BRINP3: variants seen among roughly 807,000 people sequenced by gnomAD.
BRINP3 encodes BMP/retinoic acid-inducible neural-specific protein 3.
A neutral mutation model predicts 71.0 loss-of-function variants in BRINP3; 19 were observed. That is an observed-to-expected ratio of 0.27 (90% CI 0.19 to 0.39). BRINP3 has a LOEUF of 0.39. Ranked by LOEUF, BRINP3 falls within the 10% of genes least tolerant of loss-of-function variation. The probability of loss-of-function intolerance (pLI) is 1.00; values close to 1 mark genes in which losing one functional copy is unlikely to be tolerated. For synonymous variants in BRINP3, 380 were observed against 337.7 expected (o/e 1.13, Z -1.37); for missense variants, 959 against 940.8 (o/e 1.02, Z -0.25).
At position 190,099,226 on chromosome 1, in the gene BRINP3, C is replaced by T. The variant is rs996107338; in HGVS notation, c.1185-92G>A. 3.2e-6 allele frequency: 4 copies of T among 1,266,192 alleles called. No homozygotes were observed. The African/African-American group carries it at 4.6e-5, about 14-fold the overall frequency. The allele number at this position is 1,266,192 out of a possible 1,614,324, so 78.4% of individuals were successfully genotyped here. On this transcript the variant is annotated intron_variant, in intron 7 of 7. Transcript: ENST00000367462. ...AGCTCAGAAATCTTTGCTATCATTT[C>T]TTCAGGTCATCTCCAGCCAGTAATT...
intron 7 of BRINP3, among the ~76,000 whole-genome samples, chr1:190,114,892 T>C (rs1239170490): frequency 6.6e-6 from 1 of 152,202 alleles, no homozygotes; most frequent in Non-Finnish European, 1.5e-5. Context: ...ATCTGTACAA[T>C]TTATTCCTTA....
intron 7 of BRINP3, among the ~76,000 whole-genome samples, chr1:190,122,884 C>T (rs1032251065): frequency 6.6e-6 from 1 of 152,012 alleles, no homozygotes; most frequent in African/African-American, 2.4e-5. Flanking sequence ...TTTGTCTGTG[C>T]CGGCTACTGA....
chr1:190,326,601 T>C (rs1243681502), intron 2 of BRINP3, among the ~76,000 whole-genome samples: 1 of 152,076 alleles, frequency 6.6e-6, no homozygotes, highest in Non-Finnish European at 1.5e-5. Context: ...ACAACGGACT[T>C]CTCAGCAGAA....
At chr1:190,323,711 C>G (rs989935012) in intron 2 of BRINP3, among the ~76,000 whole-genome samples, 1 of 151,606 alleles carries the variant, frequency 6.6e-6, no homozygotes, top group Non-Finnish European at 1.5e-5. Flanking sequence ...GAAAGCAAGA[C>G]AAACATGACA....
At chr1:190,166,750 G>T (rs988571383) in intron 6 of BRINP3, among the ~76,000 whole-genome samples, 13 of 151,896 alleles carry the variant, frequency 8.6e-5, no homozygotes, top group African/African-American at 2.9e-4. Flanking sequence ...TTAAGATGGG[G>T]TCTCACTCTA....
chr1:190,396,712 T>TTATATA lies in BRINP3; in HGVS notation c.236+57942_236+57943insTATATA, dbSNP rs1558249085. ...AACGCACTATGCATTCCTAATTTAA[T>TTATATA]GATATATATATATATATATATATAT... On this transcript the variant is annotated intron_variant, in intron 2 of 7. Coordinates refer to ENST00000367462, the MANE Select transcript of BRINP3 (RefSeq NM_199051.3). Among the ~76,000 whole-genome samples the TTATATA allele has an allele frequency of 8.9e-4, 34 of 38,314 alleles. 1 individual carries two copies. Among genetic ancestry groups the TTATATA allele is most frequent in the African/African-American group, 2.9e-3 (30 of 10,298 alleles). The allele number at this position is 38,314 out of a possible 152,430, so 25.1% of individuals were successfully genotyped here. A position where few individuals can be genotyped will look rare whatever the true frequency, so the allele number is the denominator to read the frequency against.
In BRINP3 at chr1:190,276,660, CAT is replaced by C. The variant is rs201235801; in HGVS notation, c.427+4898_427+4899del. On this transcript the variant is annotated intron_variant, in intron 3 of 7. Coordinates refer to ENST00000367462, the MANE Select transcript of BRINP3 (RefSeq NM_199051.3). ...ACACACACACATACACACACACACA[CAT>C]ATATATATACTACATGAGAATTGAG... 5.1e-3 allele frequency among the ~76,000 whole-genome samples: 770 copies of C among 150,658 alleles called. 7 individuals are homozygous for C. Among genetic ancestry groups the C allele is most frequent in the Middle Eastern group, 0.038 (11 of 292 alleles).
intron 7 of BRINP3, among the ~76,000 whole-genome samples, chr1:190,132,384 CA>C (rs1328810179): frequency 6.6e-6 from 1 of 151,962 alleles, no homozygotes; most frequent in Non-Finnish European, 1.5e-5. Flanking sequence ...TGTATTACAT[CA>C]TGTAGGACTG....
chr1:190,439,383 T>C (rs1016919869), intron 2 of BRINP3, among the ~76,000 whole-genome samples: 2 of 151,864 alleles, frequency 1.3e-5, no homozygotes, highest in Non-Finnish European at 2.9e-5. Context: ...AGTTTTAATT[T>C]TGAAGTGTTA....
rs551432582 is a variant in BRINP3, at chr1:190,110,160, C to T, written c.1185-11026G>A. 5.3e-5 allele frequency among the ~76,000 whole-genome samples: 8 copies of T among 152,204 alleles called. 1 individual carries two copies. In the South Asian group the frequency reaches 8.3e-4, roughly 16 times the overall value. On this transcript the variant is annotated intron_variant, in intron 7 of 7. Transcript: ENST00000367462. Reference sequence around the variant, plus strand: ...GCTTACTTAGCCTTTGCAACCAATACGTGTGGTGAATGCTTTAATAGTCTC... The same window carrying T: ...GCTTACTTAGCCTTTGCAACCAATATGTGTGGTGAATGCTTTAATAGTCTC...
At chr1:190,383,388 C>G (rs959171172) in intron 2 of BRINP3, among the ~76,000 whole-genome samples, 2 of 151,986 alleles carry the variant, frequency 1.3e-5, no homozygotes, top group African/African-American at 4.8e-5. Context: ...ATACATTTCC[C>G]TCGTAAGAGA....
intron 2 of BRINP3, among the ~76,000 whole-genome samples, chr1:190,454,059 G>A (rs1309150975): frequency 6.6e-6 from 1 of 152,122 alleles, no homozygotes; most frequent in East Asian, 1.9e-4. Context: ...CTCTTTTTGT[G>A]TAACTTATTT....
At chr1:190,366,462 C>G (rs2102159426) in intron 2 of BRINP3, among the ~76,000 whole-genome samples, 1 of 152,216 alleles carries the variant, frequency 6.6e-6, no homozygotes, top group African/African-American at 2.4e-5. Flanking sequence ...AACTACAATT[C>G]AAGATGAGAT....
chr1:190,313,342 T>C (rs1380865669), intron 2 of BRINP3, among the ~76,000 whole-genome samples: 3 of 151,864 alleles, frequency 2.0e-5, no homozygotes, highest in Non-Finnish European at 4.4e-5. Context: ...AAGAAATAGA[T>C]AGCATAGATG....
chr1:190,127,902 C>T (rs1456565478), intron 7 of BRINP3, among the ~76,000 whole-genome samples: 1 of 151,700 alleles, frequency 6.6e-6, no homozygotes, highest in African/African-American at 2.4e-5. Flanking sequence ...GCAGTGTAAT[C>T]TAGTTCACTA....
chr1:190,436,472 C>A (rs1023089314), intron 2 of BRINP3, among the ~76,000 whole-genome samples: 3 of 151,690 alleles, frequency 2.0e-5, no homozygotes, highest in Non-Finnish European at 4.4e-5. Context: ...ACCTATGGGA[C>A]AAACTTATTC....
chr1:190,466,013 C>T (rs930648234), intron 1 of BRINP3, among the ~76,000 whole-genome samples: 3 of 151,756 alleles, frequency 2.0e-5, no homozygotes, highest in African/African-American at 4.8e-5. Context: ...AAGTGTTCCA[C>T]TTGCAAGGAT....
At chr1:190,257,436 G>A (rs961406858) in intron 4 of BRINP3, among the ~76,000 whole-genome samples, 8 of 151,986 alleles carry the variant, frequency 5.3e-5, no homozygotes, top group Non-Finnish European at 1.0e-4. Context: ...TTCGAACATC[G>A]TCCTTTAGCT....
At position 190,118,564 on chromosome 1, in the gene BRINP3, TCTTCATTTC is replaced by T. The variant is rs552494788; in HGVS notation, c.1185-19439_1185-19431del. Among the ~76,000 whole-genome samples the T allele has an allele frequency of 2.1e-4, 32 of 152,290 alleles. No homozygotes were observed. The East Asian group carries it at 3.7e-3, about 17-fold the overall frequency. ...TGAACCTAGGAGATAAGTACTAATG[TCTTCATTTC>T]ACAGAAAAGTGAATCACAGCCTGGA... On this transcript the variant is annotated intron_variant, in intron 7 of 7. Transcript: ENST00000367462.
Sources: allele counts gnomAD v4.1 joint callset (sites outside exome capture counted in the v4.1 genomes callset), GRCh38; gene constraint gnomAD v4.1.1; transcripts MANE v1.5; gene names NCBI Gene and HGNC (gene_info 2026-07-23, HGNC 2026-07-21).